Variants in PDZD8 observed in about 807,000 individuals in gnomAD.
PDZD8 encodes PDZ domain-containing protein 8.
PDZD8 carries 14 observed loss-of-function variants against 85.8 expected under a neutral mutation model. The ratio of observed to expected loss-of-function variants is 0.16; its 90% CI spans 0.11 to 0.26. The LOEUF (loss-of-function observed/expected upper bound fraction) is 0.26. Among genes scored for constraint, PDZD8 ranks in the 10% least tolerant of loss-of-function variants. PDZD8 has a pLI of 1.00. For missense variants in PDZD8, 1,197 were observed against 1,424.3 expected, an observed-to-expected ratio of 0.84 and a Z score of 2.57; for synonymous variants, 592 against 568.6, an observed-to-expected ratio of 1.04 and a Z score of -0.59.
At chr10:117,305,372 C>T (rs1207264682) in intron 3 of PDZD8, among the ~76,000 whole-genome samples, 1 of 151,790 alleles carries the variant, frequency 6.6e-6, no homozygotes, top group East Asian at 1.9e-4. Context: ...GAGATTGCAC[C>T]ACTGCACTCC....
At position 117,333,049 on chromosome 10, in the gene PDZD8, G is replaced by A. The variant is rs1412164784; in HGVS notation, c.995+7931C>T. Among the ~76,000 whole-genome samples the A allele has an allele frequency of 2.1e-5, 3 of 143,834 alleles. 1 individual carries two copies. The South Asian group carries it at 6.6e-4, about 32-fold the overall frequency. 94.4% of individuals were successfully genotyped at this position (143,834 alleles called of 152,430 possible). A position where few individuals can be genotyped will look rare whatever the true frequency, so the allele number is the denominator to read the frequency against. On this transcript the variant is annotated intron_variant, in intron 2 of 4. Coordinates refer to ENST00000334464, the MANE Select transcript of PDZD8 (RefSeq NM_173791.5). ...CAGGAGAATCACTTGAACTTGGTAG[G>A]CATAGGTTGTGGTGAGTGGAGATTG...
chr10:117,325,821 G>A (rs188304971), intron 2 of PDZD8, among the ~76,000 whole-genome samples: 19 of 152,136 alleles, frequency 1.2e-4, no homozygotes, highest in African/African-American at 4.3e-4. Flanking sequence ...CTCCTGATAC[G>A]GTTTGGCTCC....
chr10:117,323,120 A>T (rs1844255768), intron 2 of PDZD8, among the ~76,000 whole-genome samples: 1 of 152,198 alleles, frequency 6.6e-6, no homozygotes, highest in African/African-American at 2.4e-5. Context: ...CAATGGCCAT[A>T]TGAAGACCGT....
rs748732829 is a variant in PDZD8, at chr10:117,290,228, T to C, written c.1219A>G (p.Ile407Val). Residue 407 changes from isoleucine to valine, a missense_variant, in exon 4 of 5, where the codon ATT becomes GTT. Physicochemically the swap from Ile to Val is conservative, Grantham distance 29 (BLOSUM62 3). Transcript: ENST00000334464. ...CGATCTCCCCGCTGAAGATCTGCAA[T>C]TGCAGCAGGCGAGTTTGGAGCCACA... ...ETVAPNSPAAIADLQRGDRLI... is the reference protein window; with the variant it reads ...ETVAPNSPAAVADLQRGDRLI... 4 of 1,614,084 alleles carry C rather than the reference T, an allele frequency of 2.5e-6. No homozygotes were observed. The highest frequency in any genetic ancestry group is 3.4e-6 in the Non-Finnish European group (4 of 1,179,970).
chr10:117,356,063 T>C (rs927189432), intron 1 of PDZD8, among the ~76,000 whole-genome samples: 5 of 151,954 alleles, frequency 3.3e-5, no homozygotes, highest in Admixed American at 2.0e-4. Flanking sequence ...AGATAGTATC[T>C]GGATCTCATT....
chr10:117,362,710 TTAAG>T (rs1451278103), intron 1 of PDZD8, among the ~76,000 whole-genome samples: 3 of 152,206 alleles, frequency 2.0e-5, no homozygotes, highest in East Asian at 3.9e-4. Flanking sequence ...TTTACTCACT[TTAAG>T]TAAGCAATTT....
At chr10:117,368,488 A>G (rs2133890963) in intron 1 of PDZD8, among the ~76,000 whole-genome samples, 1 of 152,352 alleles carries the variant, frequency 6.6e-6, no homozygotes, top group Non-Finnish European at 1.5e-5. Context: ...TTTCCAATGT[A>G]ATAGAAAGGA....
intron 3 of PDZD8, among the ~76,000 whole-genome samples, chr10:117,316,933 G>A (rs1256294278): frequency 6.6e-6 from 1 of 152,142 alleles, no homozygotes; most frequent in Non-Finnish European, 1.5e-5. Context: ...AAAGGACATG[G>A]CTGACATGTG....
At chr10:117,304,493 C>CT (rs1843899312) in intron 3 of PDZD8, among the ~76,000 whole-genome samples, 1 of 151,934 alleles carries the variant, frequency 6.6e-6, no homozygotes. Flanking sequence ...TTTTTGGGGA[C>CT]TACTGGGAAG....
chr10:117,295,151 C>CA (rs1476221965), intron 3 of PDZD8, among the ~76,000 whole-genome samples: 25 of 151,180 alleles, frequency 1.7e-4, no homozygotes, highest in East Asian at 3.9e-4. Flanking sequence ...GCCTCAAAAA[C>CA]AAAAAAAACC....
At chr10:117,315,587 CAAAAAAAAAAA>C (rs35866840) in intron 3 of PDZD8, among the ~76,000 whole-genome samples, 32 of 42,108 alleles carry the variant, frequency 7.6e-4, no homozygotes, top group Admixed American at 1.6e-3. Flanking sequence ...TAGACTCTCT[CAAAAAAAAAAA>C]AAAAAAAAAA....
rs1388483117 is a variant in PDZD8, at chr10:117,278,672, G to A, written c.*4596C>T. ...TTTGTGTTAACTTCGACATCAAGGAGCAAAGAACTTTAGAACAGACTCCTC... is the reference window on the plus strand; with the variant it reads ...TTTGTGTTAACTTCGACATCAAGGAACAAAGAACTTTAGAACAGACTCCTC... On this transcript the variant is annotated 3_prime_UTR_variant, in exon 5 of 5. Transcript: ENST00000334464. 1 of 152,168 alleles carries A rather than the reference G, an allele frequency of 6.6e-6. No homozygotes were observed. Among genetic ancestry groups the A allele is most frequent in the Non-Finnish European group, 1.5e-5 (1 of 68,022 alleles). The allele number at this position is 152,168 out of a possible 1,614,324, so 9.4% of individuals were successfully genotyped here.
chr10:117,284,930 C>T lies in PDZD8; in HGVS notation c.1803G>A (p.Leu601=). The change falls in exon 5 of 5, where the codon TTG becomes TTA. Residue 601 remains leucine (L), a synonymous_variant. Coordinates refer to ENST00000334464, the MANE Select transcript of PDZD8 (RefSeq NM_173791.5). ...VPPRPQAKVP[L]PSADAPNQAE... ...CCTGATTTGGAGCATCGGCGGAAGG[C>T]AAAGGAACTTTCGCTTGTGGTCGTG... is the stretch of plus-strand genomic sequence containing the variant. The T allele has an allele frequency of 1.9e-6, 3 of 1,614,120 alleles. No individual in the cohort carries two copies. Among genetic ancestry groups the T allele is most frequent in the Non-Finnish European group, 2.5e-6 (3 of 1,180,030 alleles).
At position 117,284,352 on chromosome 10, in the gene PDZD8, T is replaced by C. The variant is rs921800778; in HGVS notation, c.2381A>G (p.Lys794Arg). Residue 794 changes from lysine (K) to arginine (R), a missense_variant, in exon 5 of 5, where the codon AAA (lysine) becomes AGA (arginine). By Grantham distance (26) the Lys-to-Arg change is conservative. This residue lies in a region of PDZD8 where 418 missense variants were observed against 571.1 expected (regional missense o/e 0.73). Transcript: ENST00000334464. ...FCYGDITIHF[K>R]YLKEGESDHH... ...GTCTGATTCTCCTTCTTTCAAATAT[T>C]TGAAGTGAATAGTAATGTCACCATA... 6.2e-7 allele frequency: 1 copy of C among 1,614,088 alleles called. No individual in the cohort carries two copies. Among genetic ancestry groups the C allele is most frequent in the African/African-American group, 1.3e-5 (1 of 74,934 alleles).
In PDZD8 at chr10:117,278,767, AT is replaced by A. The variant is rs1332189141; in HGVS notation, c.*4500del. ...CATGAAGCTTTTCTGTGGGGCTTCG[AT>A]TATTTCAAGTCTGGTTTCTAAGTGC... On this transcript the variant is annotated 3_prime_UTR_variant, in exon 5 of 5. Coordinates refer to ENST00000334464, the MANE Select transcript of PDZD8 (RefSeq NM_173791.5). The A allele has an allele frequency of 7.9e-5, 12 of 152,200 alleles. No homozygotes were observed. The highest frequency in any genetic ancestry group is 2.9e-4 in the African/African-American group (12 of 41,464). The allele number at this position is 152,200 out of a possible 1,614,324, so 9.4% of individuals were successfully genotyped here. A position where few individuals can be genotyped will look rare whatever the true frequency, so the allele number is the denominator to read the frequency against.
chr10:117,358,095 T>A (rs1040707070), intron 1 of PDZD8, among the ~76,000 whole-genome samples: 2 of 152,102 alleles, frequency 1.3e-5, no homozygotes, highest in Non-Finnish European at 2.9e-5. Context: ...TAGAACTATG[T>A]TTGACATTTT....
At chr10:117,367,885 A>C (rs1469600109) in intron 1 of PDZD8, among the ~76,000 whole-genome samples, 1 of 151,716 alleles carries the variant, frequency 6.6e-6, no homozygotes, top group African/African-American at 2.4e-5. Flanking sequence ...ATGCACCTGC[A>C]CTCCAGCCTG....
intron 3 of PDZD8, among the ~76,000 whole-genome samples, chr10:117,308,514 G>T (rs1416093821): frequency 6.6e-6 from 1 of 152,068 alleles, no homozygotes; most frequent in Non-Finnish European, 1.5e-5. Context: ...ATTATGCTAA[G>T]GGTTTTACAT....
intron 4 of PDZD8, chr10:117,285,839 T>C (rs752845020): frequency 1.8e-5 from 12 of 669,938 alleles, no homozygotes; most frequent in Non-Finnish European, 2.0e-5. Flanking sequence ...TAAAGGATTC[T>C]ATTAATGGCT....
Sources: allele counts gnomAD v4.1 joint callset (sites outside exome capture counted in the v4.1 genomes callset), GRCh38; gene constraint gnomAD v4.1.1; regional missense constraint gnomAD v4.1.1; transcripts MANE v1.5; gene names NCBI Gene and HGNC (gene_info 2026-07-23, HGNC 2026-07-21).